GTF2IRD1: variants seen among roughly 807,000 people sequenced by gnomAD.
GTF2IRD1 encodes the protein general transcription factor II-I repeat domain-containing protein 1.
Under a neutral mutation model 113.2 loss-of-function variants are expected in GTF2IRD1, and 26 were observed. The ratio of observed to expected loss-of-function variants is 0.23; its 90% CI spans 0.17 to 0.32. GTF2IRD1 has a LOEUF of 0.32. Among genes scored for constraint, GTF2IRD1 ranks in the 10% least tolerant of loss-of-function variants. GTF2IRD1 has a pLI of 1.00. For missense variants in GTF2IRD1, 864 were observed against 1,280.8 expected (o/e 0.67, Z 4.97); for synonymous variants, 484 against 529.1 (o/e 0.91, Z 1.17).
chr7:74,497,943 A>T (rs1795822980), intron 1 of GTF2IRD1, among the ~76,000 whole-genome samples: 1 of 152,114 alleles, frequency 6.6e-6, no homozygotes, highest in Admixed American at 6.6e-5. Context: ...ACCTTAGATG[A>T]TCCGCCTGCC....
In GTF2IRD1 at chr7:74,589,862, G is replaced by A. The variant is rs201551557; in HGVS notation, c.2332G>A (p.Ala778Thr). The A allele has an allele frequency of 5.7e-5, 91 of 1,610,234 alleles. No homozygotes were observed. Among genetic ancestry groups the A allele is most frequent in the Middle Eastern group, 1.7e-4 (1 of 6,054 alleles). Residue 778 changes from alanine (A) to threonine (T), a missense_variant, in exon 23 of 27, where the codon GCC becomes ACC. By Grantham distance (58) the Ala-to-Thr change is moderately conservative. Around this residue, in one of 7 missense-constraint regions of GTF2IRD1, gnomAD observed 195 missense variants for 359.1 expected, o/e 0.54. Coordinates refer to ENST00000424337, the MANE Select transcript of GTF2IRD1 (RefSeq NM_005685.4). ...GLIPKPDEDD[A>T]NRLGEKVILR... ...TCTTCCTCTTGTAGATGAAGATGACGCCAACAGACTCGGGGAGAAGGTGAT... is the reference window on the plus strand; with the variant it reads ...TCTTCCTCTTGTAGATGAAGATGACACCAACAGACTCGGGGAGAAGGTGAT...
intron 2 of GTF2IRD1, among the ~76,000 whole-genome samples, chr7:74,508,543 T>C (rs1796429197): frequency 6.6e-6 from 1 of 151,912 alleles, no homozygotes; most frequent in South Asian, 2.1e-4. Context: ...TACAAAAAAT[T>C]AGCTGGGCGT....
intron 22 of GTF2IRD1, among the ~76,000 whole-genome samples, chr7:74,580,857 A>G (rs782131808): frequency 1.3e-5 from 2 of 152,182 alleles, no homozygotes; most frequent in Non-Finnish European, 2.9e-5. Flanking sequence ...AACCCTACAC[A>G]CACTGAGTCC....
chr7:74,584,870 T>A (rs1206823334), intron 22 of GTF2IRD1, among the ~76,000 whole-genome samples: 1 of 152,122 alleles, frequency 6.6e-6, no homozygotes, highest in Non-Finnish European at 1.5e-5. Context: ...GGCGCGATCT[T>A]GGCTCTCTGT....
chr7:74,568,337 T>TTAAAAA (rs1554361354), intron 22 of GTF2IRD1, among the ~76,000 whole-genome samples: 4 of 91,990 alleles, frequency 4.3e-5, no homozygotes, highest in African/African-American at 4.6e-5. Flanking sequence ...CATCTCTATT[T>TTAAAAA]AAAAAAAAAA....
At position 74,457,417 on chromosome 7, in the gene GTF2IRD1, T is replaced by TTGAA. The variant is rs1218989923; in HGVS notation, c.-7+3258_-7+3261dup. On this transcript the variant is annotated intron_variant, in intron 1 of 26. Transcript: ENST00000424337. ...AAATACTTGTTAAATGGCTACATGT[T>TTGAA]TGAATGAATGAATGAATGAAATCCT... Among the ~76,000 whole-genome samples the TTGAA allele has an allele frequency of 1.1e-4, 17 of 152,276 alleles. 1 individual carries two copies. The highest frequency in any genetic ancestry group is 2.2e-4 in the African/African-American group (9 of 41,550).
intron 25 of GTF2IRD1, among the ~76,000 whole-genome samples, chr7:74,599,809 C>T (rs1802639008): frequency 6.6e-6 from 1 of 152,080 alleles, no homozygotes; most frequent in Non-Finnish European, 1.5e-5. Flanking sequence ...CAGTGTGAGC[C>T]ACTGCGCCTG....
At chr7:74,508,229 G>A in intron 2 of GTF2IRD1, 26 bp downstream of exon 2, 1 of 1,605,152 alleles carries the variant, frequency 6.2e-7, no homozygotes, top group Non-Finnish European at 8.5e-7. Flanking sequence ...CACCCAAGAG[G>A]AGGGGACAGG....
intron 25 of GTF2IRD1, among the ~76,000 whole-genome samples, chr7:74,595,338 A>G (rs1554371904): frequency 6.6e-6 from 1 of 151,132 alleles, no homozygotes; most frequent in African/African-American, 2.4e-5. Context: ...CCCGGGAGGC[A>G]GAGGTTGCGG....
intron 1 of GTF2IRD1, among the ~76,000 whole-genome samples, chr7:74,479,624 G>A (rs1166290672): frequency 1.3e-5 from 2 of 152,146 alleles, no homozygotes; most frequent in East Asian, 1.9e-4. Context: ...GGCAGCTCAG[G>A]TGTCACCTCC....
chr7:74,485,881 G>A (rs1473535054), intron 1 of GTF2IRD1, among the ~76,000 whole-genome samples: 7 of 152,010 alleles, frequency 4.6e-5, no homozygotes, highest in African/African-American at 1.4e-4. Flanking sequence ...AGCTATGATC[G>A]TGCCTCTGCA....
In GTF2IRD1 at chr7:74,586,170, AT is replaced by A. The variant is rs587607000; in HGVS notation, c.2321-3679del. On this transcript the variant is annotated intron_variant, in intron 22 of 26. Transcript: ENST00000424337. ...CCTGCTGAGAATCCTGCCACCAAAGATTCCTCAGTGGCATGGGGACAGATGG... is the reference window on the plus strand; with the variant it reads ...CCTGCTGAGAATCCTGCCACCAAAGATCCTCAGTGGCATGGGGACAGATGG... 7.9e-5 allele frequency among the ~76,000 whole-genome samples: 12 copies of A among 152,236 alleles called. No homozygotes were observed. In the East Asian group the frequency reaches 1.5e-3, roughly 20 times the overall value.
At chr7:74,539,617 G>A (rs1389387517) in intron 13 of GTF2IRD1, among the ~76,000 whole-genome samples, 4 of 152,036 alleles carry the variant, frequency 2.6e-5, no homozygotes, top group African/African-American at 7.2e-5. Context: ...GGTGGCTCAC[G>A]CCTGTAGTCC....
intron 4 of GTF2IRD1, among the ~76,000 whole-genome samples, chr7:74,516,003 G>A (rs1796908038): frequency 6.6e-6 from 1 of 152,164 alleles, no homozygotes; most frequent in Admixed American, 6.5e-5. Flanking sequence ...CCCTGAGCAT[G>A]GCACAGGGGC....
At chr7:74,548,282 C>T (rs1437073083) in intron 17 of GTF2IRD1, among the ~76,000 whole-genome samples, 2 of 151,998 alleles carry the variant, frequency 1.3e-5, no homozygotes, top group African/African-American at 4.8e-5. Flanking sequence ...ATTAGTCAGG[C>T]ATGGTGGTGG....
intron 19 of GTF2IRD1, among the ~76,000 whole-genome samples, chr7:74,556,201 G>T (rs371933724): frequency 6.6e-6 from 1 of 151,296 alleles, no homozygotes; most frequent in Non-Finnish European, 1.5e-5. Context: ...GCAGTGAGCC[G>T]AGATCATGCC....
chr7:74,597,199 C>T (rs184584542), intron 25 of GTF2IRD1, among the ~76,000 whole-genome samples: 18 of 151,986 alleles, frequency 1.2e-4, no homozygotes, highest in African/African-American at 3.9e-4. Flanking sequence ...CCTGCCACCA[C>T]GCCCAGCTAT....
At chr7:74,568,750 G>T (rs1483367390) in intron 22 of GTF2IRD1, among the ~76,000 whole-genome samples, 1 of 152,188 alleles carries the variant, frequency 6.6e-6, no homozygotes, top group Non-Finnish European at 1.5e-5. Context: ...TTCTCTCAGG[G>T]AGGGACAGGG....
In GTF2IRD1 at chr7:74,588,138, G is replaced by A. The variant is rs374117103; in HGVS notation, c.2321-1713G>A. 2.0e-4 allele frequency among the ~76,000 whole-genome samples: 26 copies of A among 131,698 alleles called. No homozygotes were observed. In the East Asian group the frequency reaches 4.3e-3, roughly 22 times the overall value. The allele number at this position is 131,698 out of a possible 152,430, so 86.4% of individuals were successfully genotyped here. ...TTTTTTTTTTTTGAGACGGAGTTTCGCTCTTGTTGCCCAGGCTGGAGTGCA... is the reference window on the plus strand; with the variant it reads ...TTTTTTTTTTTTGAGACGGAGTTTCACTCTTGTTGCCCAGGCTGGAGTGCA... On this transcript the variant is annotated intron_variant, in intron 22 of 26. Transcript: ENST00000424337.
Sources: gnomAD v4.1 joint callset for allele counts (sites outside exome capture counted in the v4.1 genomes callset) on GRCh38, gnomAD v4.1.1 for gene constraint, gnomAD v4.1.1 regional missense constraint, MANE v1.5 for transcripts, NCBI Gene and HGNC (gene_info 2026-07-23, HGNC 2026-07-21) for gene names.